JADE1: variants seen among roughly 807,000 people sequenced by gnomAD.
JADE1 encodes the protein protein Jade-1.
In JADE1, 14 loss-of-function variants were observed where a neutral mutation model predicts 81.8. The ratio of observed to expected loss-of-function variants is 0.17; its 90% confidence interval spans 0.11 to 0.27. JADE1 has a LOEUF of 0.27. Among genes scored for constraint, JADE1 ranks in the 10% least tolerant of loss-of-function variants. JADE1 has a pLI of 1.00. For synonymous variants in JADE1, 353 were observed against 391.9 expected (o/e 0.90, Z 1.17); for missense variants, 690 against 1,047.9 (o/e 0.66, Z 4.71).
At chr4:128,835,229 C>G (rs894365999) in intron 2 of JADE1, among the ~76,000 whole-genome samples, 2 of 152,196 alleles carry the variant, frequency 1.3e-5, no homozygotes, top group African/African-American at 2.4e-5. Context: ...GTCCTTTTGT[C>G]ATACAGCTGG....
intron 1 of JADE1, among the ~76,000 whole-genome samples, chr4:128,824,268 AAT>A (rs1553943432): frequency 6.6e-6 from 1 of 151,470 alleles, no homozygotes; most frequent in Non-Finnish European, 1.5e-5. Context: ...ATTACAAAAA[AAT>A]ATATATATAT....
chr4:128,813,772 C>T (rs1389012336), intron 1 of JADE1, among the ~76,000 whole-genome samples: 1 of 151,924 alleles, frequency 6.6e-6, no homozygotes, highest in African/African-American at 2.4e-5. Flanking sequence ...ATTTTGCTGT[C>T]TTCTTCAAAG....
intron 2 of JADE1, among the ~76,000 whole-genome samples, chr4:128,842,270 A>T (rs1729495447): frequency 6.7e-6 from 1 of 149,106 alleles, no homozygotes; most frequent in South Asian, 2.2e-4. Context: ...CTTCCTGAAA[A>T]CTCAGTAAGA....
At chr4:128,812,596 T>A (rs984861994) in intron 1 of JADE1, among the ~76,000 whole-genome samples, 1 of 152,206 alleles carries the variant, frequency 6.6e-6, no homozygotes, top group Non-Finnish European at 1.5e-5. Flanking sequence ...CAGGCTCCGC[T>A]GGCCCCAGGT....
Position 128,871,954 on chromosome 4 carries a change from C to T in JADE1, c.2221C>T (p.Pro741Ser). Residue 741 changes from proline (P) to serine (S), a missense_variant, in exon 11 of 11, where the codon CCT (proline) becomes TCT (serine). Coordinates refer to ENST00000226319, the MANE Select transcript of JADE1 (RefSeq NM_199320.4). This position sits in a 1 kb window ranked among gnomAD's most constrained non-coding sequence, Gnocchi z 4.1. ...GACTGCAGTCAAAGTGCCTACAACACCTGCCAGCCCAGTGAAAAACTGGGG... is the reference window on the plus strand; with the variant it reads ...GACTGCAGTCAAAGTGCCTACAACATCTGCCAGCCCAGTGAAAAACTGGGG... ...NQTAVKVPTT[P>S]ASPVKNWGGF... is the part of the protein sequence containing the mutation. 1 of 1,613,976 alleles carries T rather than the reference C, an allele frequency of 6.2e-7. No individual in the cohort carries two copies. Among genetic ancestry groups the T allele is most frequent in the Non-Finnish European group, 8.5e-7 (1 of 1,179,970 alleles).
intron 8 of JADE1, among the ~76,000 whole-genome samples, chr4:128,859,284 T>TTATG (rs200624216): frequency 0.024 from 3,622 of 149,664 alleles, 111 homozygotes; most frequent in African/African-American, 0.075. Context: ...GTGCATGTGG[T>TTATG]TATGTGTATG....
intron 5 of JADE1, among the ~76,000 whole-genome samples, chr4:128,849,658 G>A (rs1335720188): frequency 2.0e-5 from 3 of 152,214 alleles, no homozygotes; most frequent in Non-Finnish European, 4.4e-5. Context: ...CAAACCTGGA[G>A]TTCTTTTTCC....
chr4:128,851,745 C>G (rs1730374607), intron 5 of JADE1, among the ~76,000 whole-genome samples: 2 of 152,138 alleles, frequency 1.3e-5, no homozygotes, highest in Admixed American at 1.3e-4. Context: ...CTCACTATAG[C>G]CCCAACCTCC....
intron 1 of JADE1, among the ~76,000 whole-genome samples, chr4:128,831,202 T>C (rs1728519152): frequency 6.6e-6 from 1 of 152,166 alleles, no homozygotes; most frequent in East Asian, 1.9e-4. Flanking sequence ...GAGGAGACAT[T>C]TGCATTCCAT....
rs563206113 is a variant in JADE1, at chr4:128,835,428, G to A, written c.52+3618G>A. On this transcript the variant is annotated intron_variant, in intron 2 of 10. Transcript: ENST00000226319. ...CCCCTTTCCATCCCCTCTGAAGGCA[G>A]CTGGTTCACAGCCTCTGCCACCAAC... Among the ~76,000 whole-genome samples the A allele has an allele frequency of 5.3e-5, 8 of 152,280 alleles. No individual in the cohort carries two copies. The South Asian group carries it at 1.7e-3, about 32-fold the overall frequency.
chr4:128,831,750 G>C lies in JADE1; in HGVS notation c.-9G>C, dbSNP rs767338028. 1.8e-5 allele frequency: 29 copies of C among 1,613,852 alleles called. No individual in the cohort carries two copies. The Middle Eastern group carries it at 4.9e-4, about 27-fold the overall frequency. ...CTTTGCAGGCTGCCTGCTGTTTCCC[G>C]GGGAGATCATGAAACGAGGTCGCCT... On this transcript the variant is annotated 5_prime_UTR_variant, in exon 2 of 11. Transcript: ENST00000226319.
At chr4:128,813,653 C>A (rs998454975) in intron 1 of JADE1, among the ~76,000 whole-genome samples, 1 of 151,904 alleles carries the variant, frequency 6.6e-6, no homozygotes. Flanking sequence ...GAACTCCTGA[C>A]CTCGTGATCC....
chr4:128,852,765 C>G (rs957502388), intron 6 of JADE1, among the ~76,000 whole-genome samples: 1 of 152,144 alleles, frequency 6.6e-6, no homozygotes, highest in Admixed American at 6.5e-5. Context: ...GAGGTGGTGG[C>G]AGTGCTGTGC....
intron 9 of JADE1, chr4:128,862,984 C>T (rs1731483055): frequency 1.0e-6 from 1 of 985,746 alleles, no homozygotes; most frequent in Admixed American, 6.1e-5. Context: ...TCCTGGTGGA[C>T]AGGGGTGTCA....
intron 9 of JADE1, chr4:128,864,689 C>A: frequency 1.3e-6 from 1 of 779,840 alleles, no homozygotes; most frequent in Non-Finnish European, 1.6e-6. Context: ...CAGTTTATAG[C>A]AGATCCTCAA....
Position 128,862,042 on chromosome 4 carries a change from G to A in JADE1, c.1320G>A (p.Leu440=). The change falls in exon 9 of 11, where the codon CTG becomes CTA. Residue 440 remains leucine, a synonymous_variant. Transcript: ENST00000226319. ...ACCTGCTGGATGTTGCCAGGGCTCT[G>A]CGGCTGCCTGAGGAAGTAGTGGATT... ...FVNLLDVARA[L]RLPEEVVDFL... is the part of the protein sequence containing the mutation. 6.2e-7 allele frequency: 1 copy of A among 1,614,220 alleles called. No individual in the cohort carries two copies.
At chr4:128,864,128 C>T in intron 9 of JADE1, 1 of 981,134 alleles carries the variant, frequency 1.0e-6, no homozygotes, top group Non-Finnish European at 1.2e-6. Context: ...GCCTAAGGAA[C>T]TTTAAAGAAT....
chr4:128,856,535 A>C (rs1452756406), intron 7 of JADE1, among the ~76,000 whole-genome samples: 1 of 152,202 alleles, frequency 6.6e-6, no homozygotes, highest in Non-Finnish European at 1.5e-5. Context: ...TTAAAAAACC[A>C]CCACTCTTAG....
chr4:128,864,818 G>A (rs17013854), intron 9 of JADE1: 3,664 of 162,964 alleles, frequency 0.022, 116 homozygotes, highest in African/African-American at 0.074. Flanking sequence ...TCTTCCTTCA[G>A]ACACACACCT....
Sources: allele counts gnomAD v4.1 joint callset (sites outside exome capture counted in the v4.1 genomes callset), GRCh38; gene constraint gnomAD v4.1.1; non-coding constraint Gnocchi (gnomAD v3.1); transcripts MANE v1.5; gene names NCBI Gene and HGNC (gene_info 2026-07-23, HGNC 2026-07-21).